The following DENND1B variants were observed in gnomAD, a reference collection of about 807,000 sequenced individuals.
DENND1B encodes the protein DENN domain containing 1B.
DENND1B carries 59 observed loss-of-function variants against 90.1 expected under a neutral mutation model. The observed-to-expected ratio is 0.65, with a 90% CI of 0.53 to 0.81. DENND1B has a LOEUF of 0.81. DENND1B is among the 40% of genes least tolerant of loss of function. The pLI, the probability that DENND1B is intolerant of heterozygous loss-of-function variation, is 0.00. For missense variants in DENND1B, 862 were observed against 912.6 expected, an observed-to-expected ratio of 0.94 and a Z score of 0.71; for synonymous variants, 337 against 324.6, an observed-to-expected ratio of 1.04 and a Z score of -0.41.
chr1:197,732,233 C>T (rs1558455551), intron 2 of DENND1B, among the ~76,000 whole-genome samples: 4 of 152,130 alleles, frequency 2.6e-5, no homozygotes, highest in Non-Finnish European at 5.9e-5. Context: ...CATTTATGGT[C>T]AACTAATTAT....
chr1:197,615,334 C>T (rs1033186625), intron 11 of DENND1B, among the ~76,000 whole-genome samples: 3 of 150,984 alleles, frequency 2.0e-5, no homozygotes, highest in African/African-American at 7.3e-5. Flanking sequence ...GACCAAGATG[C>T]GATATCCATC....
chr1:197,772,875 T>C lies in DENND1B; in HGVS notation c.75A>G (p.Glu25=), dbSNP rs1345444979. The part of the protein sequence containing the change: ...LVLKVKCHAS[E]NEDPVVLWKF... The stretch of plus-strand genomic sequence containing the variant: ...AACACAGAAGACACATACCTTCATT[T>C]TCAGAGGCATGACATTTCACTTTCA... Residue 25 remains glutamate (E), a synonymous_variant, in exon 2 of 23, where the codon GAA becomes GAG. Coordinates refer to ENST00000620048, the MANE Select transcript of DENND1B (RefSeq NM_001195215.2). The C allele has an allele frequency of 3.2e-6, 5 of 1,551,550 alleles. No individual in the cohort carries two copies. Among genetic ancestry groups the C allele is most frequent in the Non-Finnish European group, 4.4e-6 (5 of 1,146,884 alleles).
chr1:197,612,057 A>G, intron 11 of DENND1B, 81 bp from the exon 12 acceptor site: 2 of 1,146,830 alleles, frequency 1.7e-6, no homozygotes, highest in South Asian at 2.9e-5. Flanking sequence ...CAAAATGATT[A>G]AAAATTAAAT....
At chr1:197,694,188 C>T (rs1027921608) in intron 3 of DENND1B, among the ~76,000 whole-genome samples, 3 of 150,964 alleles carry the variant, frequency 2.0e-5, no homozygotes, top group African/African-American at 7.3e-5. Context: ...CATTTTATAA[C>T]CCACTCAACT....
intron 2 of DENND1B, among the ~76,000 whole-genome samples, chr1:197,721,571 A>G (rs537530673): frequency 1.3e-5 from 2 of 152,276 alleles, no homozygotes; most frequent in Non-Finnish European, 2.9e-5. Flanking sequence ...TCTGGGCCAT[A>G]AAGTGGGCAG....
chr1:197,596,238 T>C (rs1034192228), intron 13 of DENND1B, among the ~76,000 whole-genome samples: 72 of 152,210 alleles, frequency 4.7e-4, no homozygotes, highest in African/African-American at 1.7e-3. Context: ...CTATGTATTT[T>C]AGAAAATGCA....
intron 3 of DENND1B, among the ~76,000 whole-genome samples, chr1:197,676,219 T>G (rs1212364952): frequency 6.6e-6 from 1 of 151,982 alleles, no homozygotes; most frequent in Non-Finnish European, 1.5e-5. Context: ...CAGGGCTTGG[T>G]TTTCTTCCTT....
chr1:197,535,713 C>G (rs534296956), intron 20 of DENND1B, among the ~76,000 whole-genome samples: 1 of 152,298 alleles, frequency 6.6e-6, no homozygotes, highest in East Asian at 1.9e-4. Flanking sequence ...CTGTTCACCC[C>G]ACTCACCTCT....
intron 16 of DENND1B, among the ~76,000 whole-genome samples, chr1:197,550,328 G>C (rs1484864120): frequency 1.3e-5 from 2 of 152,064 alleles, no homozygotes; most frequent in African/African-American, 4.8e-5. Flanking sequence ...AAGCCACATA[G>C]ACACATGTGG....
At chr1:197,762,183 AAAC>A (rs1655140342) in intron 2 of DENND1B, among the ~76,000 whole-genome samples, 1 of 152,214 alleles carries the variant, frequency 6.6e-6, no homozygotes, top group Admixed American at 6.5e-5. Context: ...GAAATCCAAT[AAAC>A]AACATAAATC....
intron 10 of DENND1B, among the ~76,000 whole-genome samples, chr1:197,620,077 T>C (rs535444426): frequency 4.6e-5 from 7 of 151,288 alleles, no homozygotes; most frequent in Non-Finnish European, 7.4e-5. Context: ...GAATCTGCTT[T>C]GGCAAATATT....
chr1:197,706,626 G>C (rs1225064712), intron 3 of DENND1B, among the ~76,000 whole-genome samples: 1 of 152,112 alleles, frequency 6.6e-6, no homozygotes, highest in Non-Finnish European at 1.5e-5. Flanking sequence ...GAGCTGAATA[G>C]ACATCTCTCA....
intron 15 of DENND1B, 33 bp downstream of exon 15, chr1:197,583,119 T>C: frequency 6.3e-7 from 1 of 1,584,300 alleles, no homozygotes. Flanking sequence ...CAATGTTGTC[T>C]TACAAAAGAA....
intron 15 of DENND1B, among the ~76,000 whole-genome samples, chr1:197,577,807 ATGT>A (rs1361228482): frequency 1.3e-5 from 2 of 152,190 alleles, no homozygotes; most frequent in African/African-American, 4.8e-5. Flanking sequence ...CATCTAAGCT[ATGT>A]TTATTTCAAA....
intron 11 of DENND1B, among the ~76,000 whole-genome samples, chr1:197,614,031 CTT>C (rs34399290): frequency 1.6e-4 from 22 of 137,034 alleles, no homozygotes; most frequent in Admixed American, 2.2e-4. Flanking sequence ...TCTAGGAAAA[CTT>C]TTTTTTTTTT....
intron 2 of DENND1B, among the ~76,000 whole-genome samples, chr1:197,765,717 G>A (rs1207986191): frequency 1.3e-5 from 2 of 152,200 alleles, no homozygotes; most frequent in African/African-American, 4.8e-5. Context: ...AGGCCAAGCA[G>A]CCTCTGACAT....
intron 2 of DENND1B, among the ~76,000 whole-genome samples, chr1:197,738,563 G>C (rs1028643117): frequency 3.9e-5 from 6 of 152,302 alleles, no homozygotes; most frequent in African/African-American, 1.4e-4. Flanking sequence ...CTTTTTGGCA[G>C]AAAGATGACA....
At chr1:197,660,976 A>G (rs1654350759) in intron 5 of DENND1B, among the ~76,000 whole-genome samples, 1 of 152,084 alleles carries the variant, frequency 6.6e-6, no homozygotes, top group Non-Finnish European at 1.5e-5. Flanking sequence ...CCCAGACTGA[A>G]TCAGGAATGA....
intron 5 of DENND1B, among the ~76,000 whole-genome samples, chr1:197,665,058 A>T (rs193132986): frequency 6.6e-6 from 1 of 152,178 alleles, no homozygotes. Context: ...ATATCTCAGG[A>T]TATTTTTGAA....
Sources: gnomAD v4.1 joint callset for allele counts (sites outside exome capture counted in the v4.1 genomes callset) on GRCh38, gnomAD v4.1.1 for gene constraint, MANE v1.5 for transcripts, NCBI Gene and HGNC (gene_info 2026-07-23, HGNC 2026-07-21) for gene names.